TAFA5: variants seen among roughly 807,000 people sequenced by gnomAD.
The protein encoded by TAFA5 is TAFA chemokine like family member 5, also known as chemokine-like protein TAFA-5.
TAFA5 carries 6 observed loss-of-function variants against 15.3 expected under a neutral mutation model. The observed-to-expected ratio is 0.39, with a 90% CI of 0.21 to 0.77. The LOEUF (loss-of-function observed/expected upper bound fraction) is 0.77. Among genes scored for constraint, TAFA5 ranks in the 30% least tolerant of loss-of-function variants. The probability of loss-of-function intolerance (pLI) is 0.41; values close to 1 mark genes in which losing one functional copy is unlikely to be tolerated. For missense variants in TAFA5, 161 were observed against 193.1 expected, an observed-to-expected ratio of 0.83 and a Z score of 0.98; for synonymous variants, 103 against 80.7, an observed-to-expected ratio of 1.28 and a Z score of -1.48.
intron 1 of TAFA5, among the ~76,000 whole-genome samples, chr22:48,613,448 G>C (rs947110931): frequency 3.9e-5 from 6 of 152,074 alleles, no homozygotes; most frequent in African/African-American, 1.2e-4. Flanking sequence ...CAGCCTCTCT[G>C]GGGTCCATCT....
intron 1 of TAFA5, among the ~76,000 whole-genome samples, chr22:48,605,886 G>A (rs1448474562): frequency 1.3e-5 from 2 of 152,184 alleles, no homozygotes; most frequent in Non-Finnish European, 2.9e-5. Flanking sequence ...CATGAGGGCA[G>A]GTTCCGGGGA....
At chr22:48,730,991 T>TA (rs1029953814) in intron 3 of TAFA5, among the ~76,000 whole-genome samples, 20 of 152,336 alleles carry the variant, frequency 1.3e-4, no homozygotes, top group African/African-American at 4.6e-4. Flanking sequence ...GGCTGAATGC[T>TA]AGGCCTCTCG....
chr22:48,681,655 A>G (rs1250757722), intron 2 of TAFA5, among the ~76,000 whole-genome samples: 1 of 150,832 alleles, frequency 6.6e-6, no homozygotes, highest in Non-Finnish European at 1.5e-5. Context: ...CATCTCCAAA[A>G]AAAAAAAAAA....
chr22:48,596,397 T>A (rs1048896077), intron 1 of TAFA5, among the ~76,000 whole-genome samples: 1 of 152,190 alleles, frequency 6.6e-6, no homozygotes, highest in Non-Finnish European at 1.5e-5. Context: ...CCTCACTGAT[T>A]AACGCTCCTC....
chr22:48,656,379 G>GC (rs1319195552), intron 2 of TAFA5, among the ~76,000 whole-genome samples: 12 of 152,136 alleles, frequency 7.9e-5, no homozygotes, highest in African/African-American at 2.9e-4. Flanking sequence ...GGTGGCAGGT[G>GC]CCTGTAGTCT....
intron 2 of TAFA5, 78 bp from the exon 3 acceptor site, chr22:48,707,639 A>G: frequency 6.5e-7 from 1 of 1,534,744 alleles, no homozygotes; most frequent in Non-Finnish European, 8.8e-7. Flanking sequence ...AGCCAGTGCC[A>G]GGACCCAGGT....
intron 1 of TAFA5, among the ~76,000 whole-genome samples, chr22:48,614,313 G>T (rs1925520768): frequency 1.3e-5 from 2 of 152,370 alleles, no homozygotes; most frequent in Non-Finnish European, 2.9e-5. Context: ...TATGCCGTGT[G>T]TGGGTTCCAC....
At chr22:48,611,003 G>A (rs1414558222) in intron 1 of TAFA5, among the ~76,000 whole-genome samples, 3 of 151,074 alleles carry the variant, frequency 2.0e-5, no homozygotes, top group African/African-American at 2.4e-5. Flanking sequence ...GTGCAGTCTC[G>A]GCTCGCTGCA....
At chr22:48,572,180 T>C (rs1456601271) in intron 1 of TAFA5, among the ~76,000 whole-genome samples, 1 of 152,260 alleles carries the variant, frequency 6.6e-6, no homozygotes, top group Non-Finnish European at 1.5e-5. Flanking sequence ...TTCTCTTTCA[T>C]GCCTCTAGCT....
chr22:48,555,275 G>C (rs531844611), intron 1 of TAFA5, among the ~76,000 whole-genome samples: 1 of 152,196 alleles, frequency 6.6e-6, no homozygotes, highest in Non-Finnish European at 1.5e-5. Context: ...CTTCCTAAGC[G>C]GCACGACCGG....
intron 3 of TAFA5, among the ~76,000 whole-genome samples, chr22:48,713,331 C>T (rs558474421): frequency 2.6e-5 from 4 of 152,338 alleles, no homozygotes; most frequent in Non-Finnish European, 5.9e-5. Flanking sequence ...AATTCCACCC[C>T]GGCCAGGCAT....
chr22:48,722,670 G>A (rs559259251), intron 3 of TAFA5, among the ~76,000 whole-genome samples: 1,428 of 125,106 alleles, frequency 0.011, 11 homozygotes, highest in Non-Finnish European at 0.016. Flanking sequence ...AAAACTGCAC[G>A]TTCTGCCATG....
At chr22:48,688,394 C>A (rs1385903531) in intron 2 of TAFA5, among the ~76,000 whole-genome samples, 1 of 152,150 alleles carries the variant, frequency 6.6e-6, no homozygotes, top group African/African-American at 2.4e-5. Context: ...GCAGATTTTT[C>A]TTTTTTGAGT....
chr22:48,576,573 TA>T (rs762160538), intron 1 of TAFA5: 2 of 1,480,800 alleles, frequency 1.4e-6, no homozygotes, highest in South Asian at 1.4e-5. Context: ...TCAAAGAAGG[TA>T]ATTGTCCCCG....
chr22:48,544,430 C>T (rs528697425), intron 1 of TAFA5: 9 of 348,690 alleles, frequency 2.6e-5, no homozygotes, highest in South Asian at 1.6e-4. Context: ...CCAGGGACTC[C>T]GTCAGCCCGT....
chr22:48,575,261 C>G (rs1171281951), intron 1 of TAFA5, among the ~76,000 whole-genome samples: 2 of 151,984 alleles, frequency 1.3e-5, no homozygotes, highest in African/African-American at 2.4e-5. Flanking sequence ...GAGCCCGACC[C>G]GCAGTTTTCG....
chr22:48,547,705 A>G lies in TAFA5; in HGVS notation c.112+58001A>G, dbSNP rs561168742. ...TGACTCAGAGTGGGGTCCCAGTGGC[A>G]TTGGCACAGCCTTGGGAGCGTGTTA... On this transcript the variant is annotated intron_variant, in intron 1 of 3. Coordinates refer to ENST00000402357, the MANE Select transcript of TAFA5 (RefSeq NM_001082967.3). Among the ~76,000 whole-genome samples the G allele has an allele frequency of 6.6e-5, 10 of 152,200 alleles. No homozygotes were observed. The South Asian group carries it at 8.3e-4, about 13-fold the overall frequency.
At chr22:48,571,505 C>A (rs1440692691) in intron 1 of TAFA5, among the ~76,000 whole-genome samples, 2 of 148,404 alleles carry the variant, frequency 1.3e-5, no homozygotes, top group Non-Finnish European at 3.0e-5. Context: ...AATCTCCTGA[C>A]CTCGTGATCT....
chr22:48,603,190 C>A (rs1024101434), intron 1 of TAFA5, among the ~76,000 whole-genome samples: 1 of 152,262 alleles, frequency 6.6e-6, no homozygotes, highest in Non-Finnish European at 1.5e-5. Flanking sequence ...GTGCATTCCT[C>A]TGGGCCCTCT....
Sources: gnomAD v4.1 joint callset for allele counts (sites outside exome capture counted in the v4.1 genomes callset) on GRCh38, gnomAD v4.1.1 for gene constraint, MANE v1.5 for transcripts, NCBI Gene and HGNC (gene_info 2026-07-23, HGNC 2026-07-21) for gene names.